The following KALRN variants were observed in gnomAD, a reference collection of about 807,000 sequenced individuals.
The protein encoded by KALRN is kalirin RhoGEF kinase.
In KALRN, 70 loss-of-function variants were observed where a neutral mutation model predicts 353.7. The observed-to-expected ratio is 0.20, with a 90% CI of 0.16 to 0.24. KALRN has a LOEUF of 0.24. KALRN is among the 10% of genes least tolerant of loss of function. KALRN has a pLI of 1.00. For missense variants in KALRN, 2,791 were observed against 3,756.7 expected, an observed-to-expected ratio of 0.74 and a Z score of 6.72; for synonymous variants, 1,391 against 1,434.8, an observed-to-expected ratio of 0.97 and a Z score of 0.69.
intron 10 of KALRN, among the ~76,000 whole-genome samples, chr3:124,369,170 A>C (rs1057480905): frequency 3.3e-5 from 5 of 152,234 alleles, no homozygotes; most frequent in Admixed American, 1.3e-4. Context: ...ATAACTAGAA[A>C]ATGCATTCAT....
intron 25 of KALRN, 80 bp from the exon 26 acceptor site, chr3:124,474,583 G>A (rs2061265740): frequency 2.8e-6 from 3 of 1,057,914 alleles, no homozygotes; most frequent in Non-Finnish European, 4.4e-6. Context: ...GAGAAGTTAT[G>A]GTTGTGCTGG....
chr3:124,521,017 C>G (rs1459485933), intron 33 of KALRN, among the ~76,000 whole-genome samples: 1 of 152,214 alleles, frequency 6.6e-6, no homozygotes, highest in African/African-American at 2.4e-5. Flanking sequence ...CCTTGCACAC[C>G]TCCCACAGGT....
intron 6 of KALRN, among the ~76,000 whole-genome samples, chr3:124,312,298 T>C (rs2078351313): frequency 6.6e-6 from 1 of 152,088 alleles, no homozygotes; most frequent in African/African-American, 2.4e-5. Flanking sequence ...GTAGTTGGGA[T>C]TACAGGCACC....
chr3:124,707,724 T>C (rs1024120675), intron 57 of KALRN, among the ~76,000 whole-genome samples: 1 of 152,148 alleles, frequency 6.6e-6, no homozygotes, highest in African/African-American at 2.4e-5. Flanking sequence ...GGCAGTCATG[T>C]GAAACTGCAT....
chr3:124,152,558 T>TTTTTCG (rs2068276160), intron 1 of KALRN: 13 of 544,438 alleles, frequency 2.4e-5, no homozygotes, highest in South Asian at 6.3e-5. Context: ...TTTTCTTTTC[T>TTTTTCG]TTTCTTTTCT....
chr3:124,396,826 G>A (rs952721266), intron 12 of KALRN, among the ~76,000 whole-genome samples: 5 of 152,192 alleles, frequency 3.3e-5, no homozygotes, highest in African/African-American at 4.8e-5. Flanking sequence ...AGAGAGTACC[G>A]TAGGCATATG....
chr3:124,479,811 C>T (rs1289493487), intron 27 of KALRN, among the ~76,000 whole-genome samples: 1 of 150,912 alleles, frequency 6.6e-6, no homozygotes, highest in Non-Finnish European at 1.5e-5. Context: ...GCAAGCTCCG[C>T]CTCCTGGGTT....
At chr3:124,497,780 T>A (rs985676235) in intron 33 of KALRN, among the ~76,000 whole-genome samples, 2 of 152,296 alleles carry the variant, frequency 1.3e-5, no homozygotes, top group Admixed American at 6.5e-5. Context: ...GGGTGGTAAG[T>A]CAAGTGCAGT....
chr3:124,229,364 C>G (rs1209591603), intron 2 of KALRN, among the ~76,000 whole-genome samples: 1 of 152,242 alleles, frequency 6.6e-6, no homozygotes, highest in Non-Finnish European at 1.5e-5. Flanking sequence ...CCTCCGGGAT[C>G]AGAATTTCTG....
At chr3:124,491,012 A>G in intron 30 of KALRN, 128 bp downstream of exon 30, 1 of 799,796 alleles carries the variant, frequency 1.3e-6, no homozygotes, top group Non-Finnish European at 1.9e-6. Context: ...GGACAAATGA[A>G]AATGTCTCCT....
chr3:124,720,715 G>A lies in KALRN; in HGVS notation c.*1245G>A, dbSNP rs1202954603. Reference sequence around the variant, plus strand: ...ACTAAAAGGACTAATTGTACTTTGAGGCCAATGCTGCTTTCTGGTGTATAT... The same window carrying A: ...ACTAAAAGGACTAATTGTACTTTGAAGCCAATGCTGCTTTCTGGTGTATAT... On this transcript the variant is annotated 3_prime_UTR_variant, in exon 60 of 60. Transcript: ENST00000682506. 2 of 152,264 alleles carry A rather than the reference G, an allele frequency of 1.3e-5. No individual in the cohort carries two copies. The highest frequency in any genetic ancestry group is 2.9e-5 in the Non-Finnish European group (2 of 68,032). 9.4% of individuals were successfully genotyped at this position (152,264 alleles called of 1,614,324 possible).
intron 34 of KALRN, among the ~76,000 whole-genome samples, chr3:124,625,006 A>T (rs2149732658): frequency 6.6e-6 from 1 of 152,356 alleles, no homozygotes; most frequent in Non-Finnish European, 1.5e-5. Context: ...CACAGATAGA[A>T]TGAATGAATA....
intron 51 of KALRN, among the ~76,000 whole-genome samples, chr3:124,687,959 G>A (rs1386479552): frequency 6.6e-6 from 1 of 152,110 alleles, no homozygotes; most frequent in South Asian, 2.1e-4. Flanking sequence ...ATCGCTGCTT[G>A]GGATTATGTT....
At chr3:124,446,677 C>A in intron 20 of KALRN, 86 bp from the exon 21 acceptor site, 2 of 1,526,910 alleles carry the variant, frequency 1.3e-6, no homozygotes, top group South Asian at 1.2e-5. Context: ...TTAAGTTGTC[C>A]CAACAATAAC....
intron 1 of KALRN, among the ~76,000 whole-genome samples, chr3:124,052,166 G>C (rs1244856777): frequency 2.0e-5 from 3 of 152,180 alleles, no homozygotes; most frequent in South Asian, 2.1e-4. Flanking sequence ...CAGTCCTCCT[G>C]ATGCCAGAAC....
chr3:124,630,701 C>A (rs2080672596), intron 34 of KALRN, among the ~76,000 whole-genome samples: 1 of 152,072 alleles, frequency 6.6e-6, no homozygotes, highest in South Asian at 2.1e-4. Context: ...AATGACAGAA[C>A]CTACCTCATA....
chr3:124,196,094 C>T (rs2075398782), intron 1 of KALRN, among the ~76,000 whole-genome samples: 1 of 152,146 alleles, frequency 6.6e-6, no homozygotes, highest in Non-Finnish European at 1.5e-5. Context: ...CTAGAATTGC[C>T]CCTCAGTGAT....
At chr3:124,485,635 T>A (rs962442186) in intron 28 of KALRN, among the ~76,000 whole-genome samples, 4 of 152,246 alleles carry the variant, frequency 2.6e-5, no homozygotes, top group South Asian at 2.1e-4. Context: ...ATCCCAGCAC[T>A]TTGGGTGTCC....
At chr3:124,638,987 A>G (rs2081693296) in intron 37 of KALRN, among the ~76,000 whole-genome samples, 1 of 152,244 alleles carries the variant, frequency 6.6e-6, no homozygotes, top group Admixed American at 6.5e-5. Flanking sequence ...TCACTGGCCT[A>G]TACATAAAGT....
Sources: allele counts gnomAD v4.1 joint callset (sites outside exome capture counted in the v4.1 genomes callset), GRCh38; gene constraint gnomAD v4.1.1; transcripts MANE v1.5; gene names NCBI Gene and HGNC (gene_info 2026-07-23, HGNC 2026-07-21).